UBR1: variants seen among roughly 807,000 people sequenced by gnomAD.
UBR1 encodes ubiquitin protein ligase E3 component n-recognin 1.
In UBR1, 102 loss-of-function variants were observed where a neutral mutation model predicts 242.1. The ratio of observed to expected loss-of-function variants is 0.42; its 90% CI spans 0.36 to 0.50. UBR1 has a LOEUF of 0.50. Among genes scored for constraint, UBR1 ranks in the 20% least tolerant of loss-of-function variants. The pLI, the probability that UBR1 is intolerant of heterozygous loss-of-function variation, is 0.01. For synonymous variants in UBR1, 675 were observed against 684.8 expected (o/e 0.99, Z 0.22); for missense variants, 1,772 against 2,101.8 (o/e 0.84, Z 3.07).
At chr15:42,982,963 T>C (rs1225889542) in intron 37 of UBR1, among the ~76,000 whole-genome samples, 1 of 152,186 alleles carries the variant, frequency 6.6e-6, no homozygotes, top group Non-Finnish European at 1.5e-5. Context: ...AATGCACAGA[T>C]GGAAATGCAG....
chr15:43,085,408 T>C (rs1022275007), intron 2 of UBR1, among the ~76,000 whole-genome samples: 4 of 152,164 alleles, frequency 2.6e-5, no homozygotes, highest in Non-Finnish European at 1.5e-5. Flanking sequence ...GACATTCCGT[T>C]GGAGAACAGG....
intron 35 of UBR1, among the ~76,000 whole-genome samples, chr15:42,986,735 C>G (rs2032465956): frequency 6.6e-6 from 1 of 152,188 alleles, no homozygotes; most frequent in Admixed American, 6.5e-5. Context: ...CAAGCACATC[C>G]ACCCACAGTG....
chr15:43,055,128 C>A (rs552210250), intron 11 of UBR1, among the ~76,000 whole-genome samples: 1 of 152,176 alleles, frequency 6.6e-6, no homozygotes, highest in East Asian at 1.9e-4. Flanking sequence ...ATACTCCAAG[C>A]CCATTAGACA....
intron 1 of UBR1, among the ~76,000 whole-genome samples, chr15:43,087,521 A>G (rs922161565): frequency 2.0e-5 from 3 of 152,240 alleles, no homozygotes; most frequent in Non-Finnish European, 4.4e-5. Context: ...GTTTGTACTA[A>G]TGAACCTCAA....
chr15:43,022,279 G>A (rs1250024096), intron 26 of UBR1, among the ~76,000 whole-genome samples: 1 of 151,730 alleles, frequency 6.6e-6, no homozygotes, highest in Non-Finnish European at 1.5e-5. Flanking sequence ...TGAATACAAC[G>A]CAAAATGAAC....
At chr15:43,047,017 A>G in intron 14 of UBR1, 144 bp downstream of exon 14, 1 of 1,048,442 alleles carries the variant, frequency 9.5e-7, no homozygotes, top group South Asian at 1.5e-5. Flanking sequence ...TTCCCCCTAA[A>G]TTTAAAAAGA....
At chr15:42,994,529 G>T (rs1341933026) in intron 33 of UBR1, among the ~76,000 whole-genome samples, 1 of 151,964 alleles carries the variant, frequency 6.6e-6, no homozygotes, top group Non-Finnish European at 1.5e-5. Context: ...GACTTGACCA[G>T]CCATAAAACT....
chr15:43,020,030 A>G (rs1035280475), intron 27 of UBR1, among the ~76,000 whole-genome samples: 2 of 151,756 alleles, frequency 1.3e-5, no homozygotes, highest in African/African-American at 4.8e-5. Context: ...CACCAAATCC[A>G]GGAGTCATCT....
chr15:42,957,946 C>T, intron 44 of UBR1, 67 bp downstream of exon 44: 3 of 1,295,910 alleles, frequency 2.3e-6, no homozygotes, highest in Non-Finnish European at 1.1e-6. Context: ...TTAGTTATGG[C>T]ATATACCAAT....
chr15:42,966,393 AT>A, intron 40 of UBR1, 107 bp from the exon 41 acceptor site: 1 of 1,452,906 alleles, frequency 6.9e-7, no homozygotes, highest in South Asian at 1.2e-5. Flanking sequence ...TAGGTAATTT[AT>A]TATCCATGCA....
At chr15:43,072,800 A>G (rs1345468680) in intron 4 of UBR1, among the ~76,000 whole-genome samples, 1 of 152,198 alleles carries the variant, frequency 6.6e-6, no homozygotes, top group African/African-American at 2.4e-5. Context: ...TATTATATTT[A>G]TATGGTGTAT....
At chr15:43,085,793 G>A (rs1210532459) in intron 2 of UBR1, among the ~76,000 whole-genome samples, 191 bp downstream of exon 2, 10 of 151,896 alleles carry the variant, frequency 6.6e-5, no homozygotes, top group South Asian at 2.1e-4. Flanking sequence ...GCGGGCACCC[G>A]TAATCCTAGC....
At chr15:43,037,213 T>C (rs974458876) in intron 17 of UBR1, among the ~76,000 whole-genome samples, 47 of 151,794 alleles carry the variant, frequency 3.1e-4, no homozygotes, top group African/African-American at 1.1e-3. Flanking sequence ...CCGGGCATAG[T>C]GGTGTATGTC....
intron 15 of UBR1, among the ~76,000 whole-genome samples, chr15:43,041,874 T>C (rs2141321773): frequency 6.6e-6 from 1 of 152,252 alleles, no homozygotes; most frequent in Admixed American, 6.5e-5. Context: ...AGCACTTGAA[T>C]AGACAGTTCT....
At chr15:43,079,224 G>A (rs1366972754) in intron 3 of UBR1, among the ~76,000 whole-genome samples, 1 of 151,992 alleles carries the variant, frequency 6.6e-6, no homozygotes, top group East Asian at 1.9e-4. Context: ...CCTACACCTT[G>A]GGAGGCCGAG....
intron 14 of UBR1, among the ~76,000 whole-genome samples, chr15:43,046,061 A>T (rs1224353872): frequency 1.3e-5 from 2 of 152,210 alleles, no homozygotes; most frequent in African/African-American, 2.4e-5. Flanking sequence ...CAGAAGCCAG[A>T]CTGTAAAGAA....
intron 11 of UBR1, 90 bp downstream of exon 11, chr15:43,056,254 T>C: frequency 1.9e-6 from 2 of 1,027,216 alleles, no homozygotes; most frequent in South Asian, 2.6e-5. Flanking sequence ...ATTCTAACAT[T>C]GTTCTAATTT....
At chr15:42,992,369 T>C (rs1465119315) in intron 33 of UBR1, among the ~76,000 whole-genome samples, 2 of 152,222 alleles carry the variant, frequency 1.3e-5, no homozygotes, top group Non-Finnish European at 2.9e-5. Context: ...AATATTACAT[T>C]GGGAGGTTCT....
At chr15:43,053,790 C>T (rs2033583634) in intron 12 of UBR1, among the ~76,000 whole-genome samples, 1 of 150,596 alleles carries the variant, frequency 6.6e-6, no homozygotes, top group South Asian at 2.1e-4. Flanking sequence ...GAAACAAGGT[C>T]TCGCTATGTT....
Sources: allele counts gnomAD v4.1 joint callset (sites outside exome capture counted in the v4.1 genomes callset), GRCh38; gene constraint gnomAD v4.1.1; transcripts MANE v1.5; gene names NCBI Gene and HGNC (gene_info 2026-07-23, HGNC 2026-07-21).